AMER1: variants seen among roughly 807,000 people sequenced by gnomAD.
AMER1 encodes RP11-403E24.2.
Under a neutral mutation model 53.0 loss-of-function variants are expected in AMER1, and 16 were observed. The ratio of observed to expected loss-of-function variants is 0.30; its 90% CI spans 0.20 to 0.46. The LOEUF is 0.46. Among genes scored for constraint, AMER1 ranks in the 20% least tolerant of loss-of-function variants. The probability of loss-of-function intolerance (pLI) is 1.00; values close to 1 mark genes in which losing one functional copy is unlikely to be tolerated. For missense variants in AMER1, 947 were observed against 884.9 expected (o/e 1.07, Z -0.89); for synonymous variants, 354 against 331.9 (o/e 1.07, Z -0.73).
intron 1 of AMER1, among the ~76,000 whole-genome samples, chrX:64,200,882 C>T (rs967184096): frequency 1.8e-5 from 2 of 111,610 alleles, no homozygotes; most frequent in African/African-American, 6.5e-5. Context: ...GGGGCCAGAA[C>T]TGGTCATGCC....
chrX:64,201,649 G>A (rs1262049706), intron 1 of AMER1, among the ~76,000 whole-genome samples: 1 of 111,860 alleles, frequency 8.9e-6, no homozygotes, highest in African/African-American at 3.3e-5. Context: ...CAGGATTCAG[G>A]TAGGGAAATT....
chrX:64,197,478 G>A (rs1466879809), intron 1 of AMER1, among the ~76,000 whole-genome samples: 3 of 113,143 alleles, frequency 2.7e-5, no homozygotes, highest in African/African-American at 9.6e-5. Flanking sequence ...AGGGACAGCT[G>A]CAATATGAGC....
At chrX:64,205,055 G>A (rs1161927477) in intron 1 of AMER1, among the ~76,000 whole-genome samples, 1 of 113,550 alleles carries the variant, frequency 8.8e-6, no homozygotes, top group African/African-American at 3.2e-5. Context: ...AAGCCAGCAC[G>A]CCAGCTTGAG....
At chrX:64,196,746 C>G (rs1178040865) in intron 1 of AMER1, among the ~76,000 whole-genome samples, 1 of 111,873 alleles carries the variant, frequency 8.9e-6, no homozygotes, top group East Asian at 2.8e-4. Context: ...TTCTCCTAAC[C>G]AAGTCCAGAG....
rs1316609493 is a variant in AMER1 at position 64,186,376 on chromosome X, G to T, written c.*3503C>A. 11 of 884,575 alleles carry T rather than the reference G, an allele frequency of 1.2e-5. No homozygotes were observed. Among genetic ancestry groups the T allele is most frequent in the Non-Finnish European group, 1.5e-5 (11 of 713,592 alleles). The allele number at this position is 884,575 out of a possible 1,213,427, so 72.9% of individuals were successfully genotyped here. On this transcript the variant is annotated 3_prime_UTR_variant, in exon 2 of 2. Coordinates refer to ENST00000374869, the MANE Select transcript of AMER1 (RefSeq NM_152424.4). ...CAGAAAAGAACAATTGATAAACATT[G>T]TTTTCCATGAATATAAAATGCAAAC...
At chrX:64,197,343 T>A (rs986968087) in intron 1 of AMER1, among the ~76,000 whole-genome samples, 12 of 112,755 alleles carry the variant, frequency 1.1e-4, no homozygotes, top group African/African-American at 3.5e-4. Flanking sequence ...CTGAGCCAGA[T>A]TCAAGCCATT....
At chrX:64,204,911 T>G (rs975546473) in intron 1 of AMER1, among the ~76,000 whole-genome samples, 106 of 112,918 alleles carry the variant, frequency 9.4e-4, no homozygotes, top group Non-Finnish European at 1.6e-3. Flanking sequence ...GCGCGGCTAG[T>G]TGGGGCCACA....
Position 64,189,793 on chromosome X carries a change from A to AGGGGGGGGG in AMER1, c.*85_*86insCCCCCCCCC. Reference sequence around the variant, plus strand: ...CAAAGGGTTTTCAAGTTAAACAACAACCCCCACCCCCCCACCCTTCTGCCC... The same window carrying AGGGGGGGGG: ...CAAAGGGTTTTCAAGTTAAACAACAAGGGGGGGGGCCCCCACCCCCCCACCCTTCTGCCC... On this transcript the variant is annotated 3_prime_UTR_variant, in exon 2 of 2. Coordinates refer to ENST00000374869, the MANE Select transcript of AMER1 (RefSeq NM_152424.4). The AGGGGGGGGG allele has an allele frequency of 1.5e-4, 44 of 291,873 alleles. No individual in the cohort carries two copies. Among genetic ancestry groups the AGGGGGGGGG allele is most frequent in the East Asian group, 5.0e-4 (3 of 5,960 alleles). 24.1% of individuals were successfully genotyped at this position (291,873 alleles called of 1,213,427 possible).
rs1157159299 is a variant in AMER1 at position 64,193,178 on chromosome X, T to C, written c.109A>G (p.Thr37Ala). 3.3e-6 allele frequency: 4 copies of C among 1,211,692 alleles called. No homozygotes were observed. Among genetic ancestry groups the C allele is most frequent in the Non-Finnish European group, 4.5e-6 (4 of 895,466 alleles). ...GATGGCTCTGAGGTTGGTCCTTCTG[T>C]CGCCTCAGCTGCCTTGTTCTTGGCT... ...KGAKNKAAEATEGPTSEPSSS... is the reference protein window; with the variant it reads ...KGAKNKAAEAAEGPTSEPSSS... The change falls in exon 2 of 2, where the codon ACA becomes GCA. Residue 37 changes from threonine to alanine, a missense_variant. By Grantham distance (58) the Thr-to-Ala change is moderately conservative. Transcript: ENST00000374869.
At chrX:64,200,486 G>T (rs957801609) in intron 1 of AMER1, among the ~76,000 whole-genome samples, 5 of 112,255 alleles carry the variant, frequency 4.5e-5, no homozygotes, top group African/African-American at 1.6e-4. Context: ...TTGAATTGCG[G>T]ACCAGGAGCT....
chrX:64,201,062 A>T (rs1355869143), intron 1 of AMER1, among the ~76,000 whole-genome samples: 1 of 111,188 alleles, frequency 9.0e-6, no homozygotes, highest in Non-Finnish European at 1.9e-5. Flanking sequence ...ATGCTGAAAA[A>T]AAATGCACAT....
Position 64,191,964 on chromosome X carries a change from T to A in AMER1, c.1323A>T (p.Pro441=). The A allele has an allele frequency of 1.7e-6, 2 of 1,211,664 alleles. No homozygotes were observed. Among genetic ancestry groups the A allele is most frequent in the Non-Finnish European group, 2.2e-6 (2 of 895,476 alleles). The change falls in exon 2 of 2, where the codon CCA becomes CCT. Residue 441 remains proline (P), a synonymous_variant. Transcript: ENST00000374869. ...PGHHGYMLLD[P]VRSYPGLAPG... ...GGGCTAGGCCAGGATAAGACCTAACTGGGTCAAGGAGCATGTAGCCGTGGT... is the reference window on the plus strand; with the variant it reads ...GGGCTAGGCCAGGATAAGACCTAACAGGGTCAAGGAGCATGTAGCCGTGGT...
Position 64,189,534 on chromosome X carries a change from A to ATAT in AMER1, c.*342_*344dup, listed in dbSNP as rs1930189165. Reference sequence around the variant, plus strand: ...TGTGTGTATATATATATATATATATATATATATATATATATATATATATAA... The same window carrying ATAT: ...TGTGTGTATATATATATATATATATATATTATATATATATATATATATATATAA... On this transcript the variant is annotated 3_prime_UTR_variant, in exon 2 of 2. Transcript: ENST00000374869. The ATAT allele has an allele frequency of 2.0e-5, 2 of 99,678 alleles. No individual in the cohort carries two copies. Among genetic ancestry groups the ATAT allele is most frequent in the African/African-American group, 2.3e-4 (2 of 8,764 alleles). The allele number at this position is 99,678 out of a possible 1,213,427, so 8.2% of individuals were successfully genotyped here. A position where few individuals can be genotyped will look rare whatever the true frequency, so the allele number is the denominator to read the frequency against.
In AMER1 at chrX:64,190,074, A is replaced by G. The variant is rs1279506673; in HGVS notation, c.3213T>C (p.Pro1071=). Residue 1071 remains proline (P), a synonymous_variant, in exon 2 of 2, where the codon CCT becomes CCC. Coordinates refer to ENST00000374869, the MANE Select transcript of AMER1 (RefSeq NM_152424.4). ...TGCCCACAGGCTTGGCCTGTGGTAG[A>G]GGGCTGGGGCTGAAGCCTCCAGAAC... ...SSSSGGFSPS[P]LPQAKPVGIT... is the part of the protein sequence containing the mutation. 3.3e-6 allele frequency: 4 copies of G among 1,203,297 alleles called. No homozygotes were observed. The highest frequency in any genetic ancestry group is 4.5e-6 in the Non-Finnish European group (4 of 891,535).
In AMER1 at chrX:64,189,795, C is replaced by CCCCCCCCCCCCCA; in HGVS notation, c.*83_*84insTGGGGGGGGGGGG. ...AAGGGTTTTCAAGTTAAACAACAAC[C>CCCCCCCCCCCCCA]CCCACCCCCCCACCCTTCTGCCCAA... is the stretch of plus-strand genomic sequence containing the variant. On this transcript the variant is annotated 3_prime_UTR_variant, in exon 2 of 2. Coordinates refer to ENST00000374869, the MANE Select transcript of AMER1 (RefSeq NM_152424.4). 6.5e-6 allele frequency: 1 copy of CCCCCCCCCCCCCA among 154,271 alleles called. No individual in the cohort carries two copies. Among genetic ancestry groups the CCCCCCCCCCCCCA allele is most frequent in the Non-Finnish European group, 1.0e-5 (1 of 97,595 alleles). The allele number at this position is 154,271 out of a possible 1,213,427, so 12.7% of individuals were successfully genotyped here. A position where few individuals can be genotyped will look rare whatever the true frequency, so the allele number is the denominator to read the frequency against.
intron 1 of AMER1, among the ~76,000 whole-genome samples, chrX:64,198,676 A>T (rs1316954046): frequency 9.0e-6 from 1 of 111,327 alleles, no homozygotes; most frequent in East Asian, 2.8e-4. Context: ...CCACATTTCC[A>T]GTCCTCACTG....
At chrX:64,201,433 G>A (rs909179275) in intron 1 of AMER1, among the ~76,000 whole-genome samples, 1 of 99,375 alleles carries the variant, frequency 1.0e-5, no homozygotes. Flanking sequence ...CCAGCTGCTC[G>A]CAACTCCTTC....
In AMER1 at chrX:64,185,883, T is replaced by G; in HGVS notation, c.*3996A>C. 2.9e-6 allele frequency: 1 copy of G among 342,399 alleles called. No homozygotes were observed. The allele number at this position is 342,399 out of a possible 1,213,427, so 28.2% of individuals were successfully genotyped here. On this transcript the variant is annotated 3_prime_UTR_variant, in exon 2 of 2. Transcript: ENST00000374869. Reference sequence around the variant, plus strand: ...CACAGCTTCTTGGGGAAAGGGGACATGGTTGAAACCCCCTTCCTTCCCCAT... The same window carrying G: ...CACAGCTTCTTGGGGAAAGGGGACAGGGTTGAAACCCCCTTCCTTCCCCAT...
At position 64,192,004 on chromosome X, in the gene AMER1, G is replaced by A. The variant is rs201965033; in HGVS notation, c.1283C>T (p.Thr428Ile). Residue 428 changes from threonine (T) to isoleucine (I), a missense_variant, in exon 2 of 2, where the codon ACC becomes ATC. Coordinates refer to ENST00000374869, the MANE Select transcript of AMER1 (RefSeq NM_152424.4). ...GTAGCCGTGGTGGCCTGGGGATGTGGTGGGATGGTAGCCCAGGTTCATATT... is the reference window on the plus strand; with the variant it reads ...GTAGCCGTGGTGGCCTGGGGATGTGATGGGATGGTAGCCCAGGTTCATATT... Reference protein sequence around the residue: ...RPNMNLGYHPTTSPGHHGYML... With the variant: ...RPNMNLGYHPITSPGHHGYML... The A allele has an allele frequency of 1.7e-4, 209 of 1,210,579 alleles. No individual in the cohort carries two copies. Among genetic ancestry groups the A allele is most frequent in the Non-Finnish European group, 2.3e-4 (203 of 895,350 alleles).
Sources: gnomAD v4.1 joint callset for allele counts (sites outside exome capture counted in the v4.1 genomes callset) on GRCh38, gnomAD v4.1.1 for gene constraint, MANE v1.5 for transcripts, NCBI Gene and HGNC (gene_info 2026-07-23, HGNC 2026-07-21) for gene names.